Variants in LSAMP observed in about 807,000 individuals in gnomAD.
LSAMP encodes the protein limbic system-associated membrane protein.
In LSAMP, 7 loss-of-function variants were observed where a neutral mutation model predicts 38.6. The observed-to-expected ratio is 0.18, with a 90% CI of 0.10 to 0.34. The LOEUF is 0.34. Ranked by LOEUF, LSAMP falls within the 10% of genes least tolerant of loss-of-function variation. The pLI, the probability that LSAMP is intolerant of heterozygous loss-of-function variation, is 1.00. For synonymous variants in LSAMP, 154 were observed against 166.8 expected (o/e 0.92, Z 0.59); for missense variants, 313 against 420.0 (o/e 0.75, Z 2.23).
intron 1 of LSAMP, among the ~76,000 whole-genome samples, chr3:116,395,089 G>T (rs2048751772): frequency 6.6e-6 from 1 of 151,938 alleles, no homozygotes. Flanking sequence ...ATTCTATTTG[G>T]GTTTTTTCCC....
intron 3 of LSAMP, among the ~76,000 whole-genome samples, chr3:116,017,830 A>G (rs1940527326): frequency 6.6e-6 from 1 of 152,186 alleles, no homozygotes. Context: ...ATAACATTAC[A>G]GTAAACACAA....
intron 1 of LSAMP, among the ~76,000 whole-genome samples, chr3:116,374,052 C>G (rs961856879): frequency 2.0e-5 from 3 of 151,866 alleles, no homozygotes; most frequent in African/African-American, 7.2e-5. Flanking sequence ...ATGTACAGTT[C>G]AATGTTCCAT....
At chr3:116,045,541 TAAA>T (rs10662058) in intron 2 of LSAMP, among the ~76,000 whole-genome samples, 8 of 76,002 alleles carry the variant, frequency 1.1e-4, no homozygotes, top group East Asian at 4.2e-4. Flanking sequence ...GTGGAGGTGG[TAAA>T]AAAAAAAAAA....
intron 3 of LSAMP, among the ~76,000 whole-genome samples, chr3:115,983,062 C>T (rs1016774572): frequency 1.3e-5 from 2 of 151,822 alleles, no homozygotes; most frequent in Admixed American, 1.3e-4. Flanking sequence ...TTCATTGCTG[C>T]CCCTGCCAAT....
At chr3:116,142,166 C>T (rs1709384707) in intron 1 of LSAMP, among the ~76,000 whole-genome samples, 1 of 151,756 alleles carries the variant, frequency 6.6e-6, no homozygotes, top group Admixed American at 6.6e-5. Flanking sequence ...TTTTGGACAC[C>T]CCACACCCGC....
chr3:116,444,808 ACAAACAC>A (rs2049485045), intron 1 of LSAMP, 62 bp downstream of exon 1: 22 of 1,283,198 alleles, frequency 1.7e-5, no homozygotes, highest in African/African-American at 1.4e-4. Flanking sequence ...ACACACACAC[ACAAACAC>A]ACACACACAC....
At position 116,004,915 on chromosome 3, in the gene LSAMP, C is replaced by G. The variant is rs144362912; in HGVS notation, c.514+14600G>C. The stretch of plus-strand genomic sequence containing the variant: ...TCACACATGGGTGGCTTCCTAGTAG[C>G]TCCTACATACGTGAGAAATTGTCAA... On this transcript the variant is annotated intron_variant, in intron 3 of 6. Coordinates refer to ENST00000490035, the MANE Select transcript of LSAMP (RefSeq NM_002338.5). Among the ~76,000 whole-genome samples, 324 of 152,244 alleles carry G rather than the reference C, an allele frequency of 2.1e-3. 2 individuals are homozygous for G. The highest frequency in any genetic ancestry group is 7.0e-3 in the African/African-American group (292 of 41,560).
At chr3:116,000,525 T>G (rs888651781) in intron 3 of LSAMP, among the ~76,000 whole-genome samples, 2 of 152,174 alleles carry the variant, frequency 1.3e-5, no homozygotes, top group African/African-American at 4.8e-5. Flanking sequence ...GGAAAGCACC[T>G]GGTACACTGA....
intron 1 of LSAMP, among the ~76,000 whole-genome samples, chr3:116,094,977 C>T (rs1708194695): frequency 6.6e-6 from 1 of 152,118 alleles, no homozygotes; most frequent in Non-Finnish European, 1.5e-5. Context: ...CATAGTCTCT[C>T]ATTGTAAAGG....
At chr3:115,872,246 T>C (rs2107399592) in intron 3 of LSAMP, among the ~76,000 whole-genome samples, 1 of 152,292 alleles carries the variant, frequency 6.6e-6, no homozygotes, top group Middle Eastern at 3.4e-3. Flanking sequence ...AGGTTATGGA[T>C]CAACAGCATT....
intron 2 of LSAMP, among the ~76,000 whole-genome samples, chr3:116,031,141 C>T (rs1940909728): frequency 6.6e-6 from 1 of 151,890 alleles, no homozygotes; most frequent in Non-Finnish European, 1.5e-5. Flanking sequence ...AGATTTTAAA[C>T]CAGACAGAAA....
chr3:116,113,400 C>CTATATATATATATATATA (rs5851991), intron 1 of LSAMP, among the ~76,000 whole-genome samples: 5 of 87,114 alleles, frequency 5.7e-5, no homozygotes, highest in African/African-American at 2.2e-4. Context: ...TATGTTTGCC[C>CTATATATATATATATATA]TATATATATA....
chr3:116,296,651 C>A (rs953375543), intron 1 of LSAMP, among the ~76,000 whole-genome samples: 3 of 125,360 alleles, frequency 2.4e-5, no homozygotes, highest in Admixed American at 2.0e-4. Flanking sequence ...GCCCAGATTG[C>A]GCCACTGCAC....
At chr3:116,321,759 A>G (rs907282090) in intron 1 of LSAMP, among the ~76,000 whole-genome samples, 3 of 152,208 alleles carry the variant, frequency 2.0e-5, no homozygotes, top group Admixed American at 2.0e-4. Context: ...AGCTTCTAGA[A>G]CTGTCCTTCT....
chr3:115,904,474 TAAA>T (rs1029909529), intron 3 of LSAMP, among the ~76,000 whole-genome samples: 5 of 152,004 alleles, frequency 3.3e-5, no homozygotes, highest in Admixed American at 3.3e-4. Context: ...GAAAAAATAA[TAAA>T]AACAATACAA....
intron 1 of LSAMP, among the ~76,000 whole-genome samples, chr3:116,375,552 A>G (rs1038721367): frequency 1.3e-5 from 2 of 151,872 alleles, no homozygotes; most frequent in African/African-American, 4.8e-5. Context: ...GTTTGGTTTT[A>G]TGCTACAAAT....
chr3:115,955,821 A>G (rs1438807349), intron 3 of LSAMP, among the ~76,000 whole-genome samples: 2 of 152,162 alleles, frequency 1.3e-5, no homozygotes, highest in Non-Finnish European at 2.9e-5. Context: ...TCCAACAAAA[A>G]TCTCTAACAT....
At chr3:115,884,653 G>T (rs1329015937) in intron 3 of LSAMP, among the ~76,000 whole-genome samples, 1 of 151,958 alleles carries the variant, frequency 6.6e-6, no homozygotes. Flanking sequence ...AAATATCGGG[G>T]AACAGAAAAC....
intron 3 of LSAMP, among the ~76,000 whole-genome samples, chr3:116,011,951 T>A (rs1940339290): frequency 6.6e-6 from 1 of 152,192 alleles, no homozygotes; most frequent in African/African-American, 2.4e-5. Flanking sequence ...ACCTACCCTG[T>A]CATCTCACGA....
Sources: gnomAD v4.1 joint callset for allele counts (sites outside exome capture counted in the v4.1 genomes callset) on GRCh38, gnomAD v4.1.1 for gene constraint, MANE v1.5 for transcripts, NCBI Gene and HGNC (gene_info 2026-07-23, HGNC 2026-07-21) for gene names.